The following RBBP8 variants were observed in gnomAD, a reference collection of about 807,000 sequenced individuals.
The protein encoded by RBBP8 is DNA endonuclease RBBP8.
In RBBP8, 88 loss-of-function variants were observed where a neutral mutation model predicts 108.3. The observed-to-expected ratio is 0.81, with a 90% confidence interval of 0.68 to 0.97. The LOEUF is 0.97. Among genes scored for constraint, RBBP8 ranks in the 50% least tolerant of loss-of-function variants. The pLI is 0.00. For missense variants in RBBP8, 1,023 were observed against 1,049.0 expected (o/e 0.98, Z 0.34); for synonymous variants, 332 against 348.2 (o/e 0.95, Z 0.52).
Position 22,922,746 on chromosome 18 carries a change from T to C in RBBP8, c.-154+5720T>C, listed in dbSNP as rs554669565. On this transcript the variant is annotated intron_variant, in intron 3 of 4. Transcript: ENST00000577588. ...TCCCACAGTGCTAGGATTACAGGCA[T>C]GAGCCGCCGCACTTGGCCAATAAAT... Among the ~76,000 whole-genome samples, 3 of 152,344 alleles carry C rather than the reference T, an allele frequency of 2.0e-5. No homozygotes were observed. The East Asian group carries it at 5.8e-4, about 29-fold the overall frequency.
At chr18:22,937,280 A>C (rs1427775368) in intron 2 of RBBP8, among the ~76,000 whole-genome samples, 1 of 149,434 alleles carries the variant, frequency 6.7e-6, no homozygotes, top group Non-Finnish European at 1.5e-5. Flanking sequence ...CTAAATGTGT[A>C]GCTCCCACTT....
At chr18:22,980,090 A>G (rs1233122766) in intron 6 of RBBP8, among the ~76,000 whole-genome samples, 2 of 152,112 alleles carry the variant, frequency 1.3e-5, no homozygotes, top group African/African-American at 4.8e-5. Context: ...TACTAAAAAT[A>G]CAAAAATTAG....
At chr18:23,007,017 ATTTC>A (rs1444166802) in intron 16 of RBBP8, among the ~76,000 whole-genome samples, 1 of 141,652 alleles carries the variant, frequency 7.1e-6, no homozygotes, top group Non-Finnish European at 1.5e-5. Context: ...GTGTGTGTGT[ATTTC>A]TTTTTTTTTT....
intron 4 of RBBP8, among the ~76,000 whole-genome samples, chr18:22,964,387 T>C (rs1407571953): frequency 6.6e-6 from 1 of 151,244 alleles, no homozygotes; most frequent in Admixed American, 6.6e-5. Flanking sequence ...TTTTTTTTTT[T>C]TTCTTTTCAG....
intron 6 of RBBP8, among the ~76,000 whole-genome samples, chr18:22,979,260 G>A (rs182938626): frequency 2.4e-3 from 371 of 152,160 alleles, no homozygotes; most frequent in South Asian, 3.9e-3. Flanking sequence ...AGGAGACTCC[G>A]TCTCAAAAAC....
upstream of RBBP8, among the ~76,000 whole-genome samples, chr18:22,928,755 C>T (rs558071830): frequency 1.3e-5 from 2 of 151,920 alleles, no homozygotes; most frequent in East Asian, 3.9e-4. Context: ...CCACAACCTC[C>T]GCCTCCTGGG....
At chr18:22,914,780 G>A (rs1312425550) in intron 1 of RBBP8, among the ~76,000 whole-genome samples, 3 of 152,098 alleles carry the variant, frequency 2.0e-5, no homozygotes, top group Admixed American at 2.0e-4. Flanking sequence ...ACAATTCACA[G>A]TAAAAATTGA....
upstream of RBBP8, among the ~76,000 whole-genome samples, chr18:22,931,873 G>T (rs1310517010): frequency 6.6e-6 from 1 of 152,122 alleles, no homozygotes. Flanking sequence ...TATATATGGA[G>T]AATAGAAGTT....
At chr18:23,007,408 A>G (rs922098832) in intron 16 of RBBP8, among the ~76,000 whole-genome samples, 7 of 152,026 alleles carry the variant, frequency 4.6e-5, no homozygotes, top group Non-Finnish European at 8.8e-5. Flanking sequence ...TTTATGTAGT[A>G]TAAGACTTTA....
At chr18:22,931,742 T>C (rs1021435459), upstream of RBBP8, among the ~76,000 whole-genome samples, 9 of 152,172 alleles carry the variant, frequency 5.9e-5, no homozygotes, top group Non-Finnish European at 1.2e-4. Flanking sequence ...CAGTCCAAAG[T>C]CACTCAGTAA....
intron 16 of RBBP8, 44 bp from the exon 17 acceptor site, chr18:23,016,784 C>T (rs1313443050): frequency 2.2e-6 from 3 of 1,345,952 alleles, no homozygotes; most frequent in Non-Finnish European, 3.2e-6. Context: ...ATTATTTCTC[C>T]TCTGAACTCT....
At position 23,017,065 on chromosome 18, in the gene RBBP8, G is replaced by A. The variant is rs1378179041; in HGVS notation, c.2454+141G>A. Reference sequence around the variant, plus strand: ...CCAGGCGTAACAGCAGGAATAAGGAGTATTCTGGGTCGGGTGCGGTGGCTC... The same window carrying A: ...CCAGGCGTAACAGCAGGAATAAGGAATATTCTGGGTCGGGTGCGGTGGCTC... On this transcript the variant is annotated intron_variant, in intron 17 of 18. Coordinates refer to ENST00000327155, the MANE Select transcript of RBBP8 (RefSeq NM_002894.3). The A allele has an allele frequency of 1.5e-5, 11 of 731,204 alleles. No homozygotes were observed. In the Admixed American group the frequency reaches 2.3e-4, roughly 15 times the overall value. The allele number at this position is 731,204 out of a possible 1,614,324, so 45.3% of individuals were successfully genotyped here.
intron 16 of RBBP8, among the ~76,000 whole-genome samples, chr18:23,012,889 G>A (rs1194270923): frequency 1.3e-5 from 2 of 152,128 alleles, no homozygotes; most frequent in African/African-American, 4.8e-5. Context: ...TCTTGTTTGG[G>A]TTAATGCGCT....
chr18:22,919,989 C>T (rs140082042), intron 3 of RBBP8, among the ~76,000 whole-genome samples: 185 of 151,892 alleles, frequency 1.2e-3, no homozygotes, highest in Non-Finnish European at 2.4e-3. Flanking sequence ...CAAACAATTG[C>T]AAAGAAGGCA....
chr18:22,966,139 T>C (rs982173014), intron 4 of RBBP8, among the ~76,000 whole-genome samples: 3 of 152,184 alleles, frequency 2.0e-5, no homozygotes, highest in Non-Finnish European at 4.4e-5. Flanking sequence ...TGTCCTCATG[T>C]GTTTGTATCT....
chr18:23,006,604 C>T (rs1567996486), intron 16 of RBBP8, among the ~76,000 whole-genome samples, 172 bp downstream of exon 16: 1 of 151,926 alleles, frequency 6.6e-6, no homozygotes. Context: ...TAGGCTCAAG[C>T]AATACTCCCA....
intron 6 of RBBP8, among the ~76,000 whole-genome samples, chr18:22,979,137 C>T (rs933332813): frequency 1.1e-4 from 16 of 152,214 alleles, no homozygotes; most frequent in Admixed American, 2.0e-4. Flanking sequence ...TATGGTTGCA[C>T]GCGCAGCTGT....
chr18:22,951,156 T>G (rs1912000021), intron 4 of RBBP8, among the ~76,000 whole-genome samples: 1 of 152,216 alleles, frequency 6.6e-6, no homozygotes, highest in African/African-American at 2.4e-5. Flanking sequence ...GTGTTCTTAA[T>G]TCAGATTCCA....
chr18:22,980,691 C>T (rs1387006128), intron 6 of RBBP8, among the ~76,000 whole-genome samples: 3 of 150,872 alleles, frequency 2.0e-5, no homozygotes, highest in Non-Finnish European at 4.4e-5. Flanking sequence ...AGATTTCATC[C>T]ATATGACTTA....
Sources: allele counts gnomAD v4.1 joint callset (sites outside exome capture counted in the v4.1 genomes callset), GRCh38; gene constraint gnomAD v4.1.1; transcripts MANE v1.5; gene names NCBI Gene and HGNC (gene_info 2026-07-23, HGNC 2026-07-21).